The following SLC24A3 variants were observed in gnomAD, a reference collection of about 807,000 sequenced individuals.
The protein encoded by SLC24A3 is solute carrier family 24 member 3, also known as sodium/potassium/calcium exchanger 3.
In SLC24A3, 28 loss-of-function variants were observed where a neutral mutation model predicts 75.8. The observed-to-expected ratio is 0.37, with a 90% CI of 0.27 to 0.51. The LOEUF (loss-of-function observed/expected upper bound fraction) is 0.51. SLC24A3 is among the 20% of genes least tolerant of loss of function. The pLI is 0.94. For missense variants in SLC24A3, 663 were observed against 847.8 expected (o/e 0.78, Z 2.71); for synonymous variants, 372 against 334.1 (o/e 1.11, Z -1.24).
At chr20:19,676,212 C>A (rs1446896736) in intron 9 of SLC24A3, among the ~76,000 whole-genome samples, 1 of 152,202 alleles carries the variant, frequency 6.6e-6, no homozygotes, top group African/African-American at 2.4e-5. Context: ...CTTTTCCAAG[C>A]CACCTTGAAG....
intron 2 of SLC24A3, among the ~76,000 whole-genome samples, chr20:19,506,375 A>G (rs1212242382): frequency 3.3e-5 from 5 of 152,190 alleles, no homozygotes; most frequent in Non-Finnish European, 7.3e-5. Flanking sequence ...TCATTCACAC[A>G]TCAATCCATT....
At chr20:19,383,288 A>G (rs934760811) in intron 2 of SLC24A3, among the ~76,000 whole-genome samples, 3 of 152,218 alleles carry the variant, frequency 2.0e-5, no homozygotes, top group Non-Finnish European at 4.4e-5. Flanking sequence ...TACTTCAAAA[A>G]GAGAAATCTG....
intron 6 of SLC24A3, among the ~76,000 whole-genome samples, chr20:19,620,565 A>G (rs983713914): frequency 6.6e-6 from 1 of 152,218 alleles, no homozygotes; most frequent in Non-Finnish European, 1.5e-5. Flanking sequence ...CAGCTGGAAT[A>G]TTCACACCAG....
At chr20:19,677,365 T>A (rs1412479233) in intron 9 of SLC24A3, among the ~76,000 whole-genome samples, 1 of 151,820 alleles carries the variant, frequency 6.6e-6, no homozygotes, top group East Asian at 1.9e-4. Flanking sequence ...TAAGTCAAGA[T>A]GACAGAAACA....
At chr20:19,580,930 G>C (rs932945484) in intron 4 of SLC24A3, among the ~76,000 whole-genome samples, 2 of 152,122 alleles carry the variant, frequency 1.3e-5, no homozygotes, top group Non-Finnish European at 2.9e-5. Context: ...GTAGGTCTTG[G>C]GAGAGTGGGA....
chr20:19,395,943 C>CA (rs1335767787), intron 2 of SLC24A3, among the ~76,000 whole-genome samples: 1 of 152,100 alleles, frequency 6.6e-6, no homozygotes, highest in African/African-American at 2.4e-5. Flanking sequence ...TGTGAGCCAA[C>CA]AGGACCCACA....
chr20:19,503,927 G>A (rs1286480250), intron 2 of SLC24A3, among the ~76,000 whole-genome samples: 1 of 152,134 alleles, frequency 6.6e-6, no homozygotes, highest in Non-Finnish European at 1.5e-5. Context: ...ATGATATCAG[G>A]AATCACTATT....
intron 1 of SLC24A3, among the ~76,000 whole-genome samples, chr20:19,247,347 CATA>C (rs1250096325): frequency 6.6e-6 from 1 of 152,124 alleles, no homozygotes; most frequent in Admixed American, 6.5e-5. Flanking sequence ...AGTTACTTTG[CATA>C]ATATTTTTTT....
At chr20:19,355,135 C>G (rs746243577) in intron 2 of SLC24A3, 1 of 152,224 alleles carries the variant, frequency 6.6e-6, no homozygotes, top group African/African-American at 2.4e-5. Context: ...GTCAGGAACC[C>G]AGCCGGCTCT....
intron 1 of SLC24A3, among the ~76,000 whole-genome samples, chr20:19,226,300 T>C (rs1315570093): frequency 6.6e-6 from 1 of 152,196 alleles, no homozygotes; most frequent in Non-Finnish European, 1.5e-5. Context: ...TCATTTTGTA[T>C]TTCCTGGATT....
intron 1 of SLC24A3, among the ~76,000 whole-genome samples, chr20:19,260,499 G>A (rs1012623979): frequency 1.3e-5 from 2 of 152,240 alleles, no homozygotes; most frequent in African/African-American, 4.8e-5. Context: ...GGTAAGCACT[G>A]CTGAAGTTAG....
intron 2 of SLC24A3, among the ~76,000 whole-genome samples, chr20:19,282,271 G>A (rs1983687522): frequency 6.6e-6 from 1 of 152,062 alleles, no homozygotes; most frequent in Non-Finnish European, 1.5e-5. Flanking sequence ...ATAGTTATCT[G>A]CCCTGCCTCC....
intron 12 of SLC24A3, among the ~76,000 whole-genome samples, chr20:19,688,150 GA>G (rs1472933501): frequency 3.9e-5 from 6 of 152,138 alleles, no homozygotes; most frequent in Admixed American, 6.5e-5. Context: ...CTTCCTTAAT[GA>G]AATGCACGTT....
chr20:19,539,497 C>T (rs764804093), intron 3 of SLC24A3, among the ~76,000 whole-genome samples: 1 of 152,164 alleles, frequency 6.6e-6, no homozygotes, highest in Non-Finnish European at 1.5e-5. Flanking sequence ...AACATCTGCC[C>T]TCATAACACT....
intron 2 of SLC24A3, among the ~76,000 whole-genome samples, chr20:19,391,496 G>A (rs1986365316): frequency 6.6e-6 from 1 of 152,152 alleles, no homozygotes; most frequent in Admixed American, 6.5e-5. Context: ...ATCTCAGACT[G>A]GTGTCCCATA....
chr20:19,216,209 C>T (rs918087984), intron 1 of SLC24A3, among the ~76,000 whole-genome samples: 3 of 152,022 alleles, frequency 2.0e-5, no homozygotes, highest in African/African-American at 7.3e-5. Context: ...ATTTTCTTTC[C>T]TTTTTGCAAT....
At chr20:19,652,254 G>A (rs2032214708) in intron 6 of SLC24A3, among the ~76,000 whole-genome samples, 1 of 152,128 alleles carries the variant, frequency 6.6e-6, no homozygotes, top group Admixed American at 6.5e-5. Flanking sequence ...TAACAAGAAC[G>A]GTAATGGTAT....
At chr20:19,685,748 C>T (rs530542429) in intron 12 of SLC24A3, among the ~76,000 whole-genome samples, 16 of 152,148 alleles carry the variant, frequency 1.1e-4, no homozygotes, top group East Asian at 3.9e-4. Flanking sequence ...AAATCCATCT[C>T]GCTGACCAAC....
chr20:19,364,825 C>T (rs1261730463), intron 2 of SLC24A3, among the ~76,000 whole-genome samples: 1 of 152,146 alleles, frequency 6.6e-6, no homozygotes, highest in African/African-American at 2.4e-5. Flanking sequence ...CCCACCCAGA[C>T]CTCAGGTTTT....
Sources: allele counts gnomAD v4.1 joint callset (sites outside exome capture counted in the v4.1 genomes callset), GRCh38; gene constraint gnomAD v4.1.1; transcripts MANE v1.5; gene names NCBI Gene and HGNC (gene_info 2026-07-23, HGNC 2026-07-21).